DLGAP2: variants seen among roughly 807,000 people sequenced by gnomAD.
DLGAP2 encodes the protein DLG associated protein 2.
A neutral mutation model predicts 100.3 loss-of-function variants in DLGAP2; 26 were observed. The ratio of observed to expected loss-of-function variants is 0.26; its 90% CI spans 0.19 to 0.36. The LOEUF (loss-of-function observed/expected upper bound fraction) is 0.36, where lower values mean the gene tolerates loss of function less well. DLGAP2 is among the 10% of genes least tolerant of loss of function. The probability of loss-of-function intolerance (pLI) is 1.00; values close to 1 mark genes in which losing one functional copy is unlikely to be tolerated. For missense variants in DLGAP2, 1,858 were observed against 1,453.2 expected (o/e 1.28, Z -4.53); for synonymous variants, 886 against 630.1 (o/e 1.41, Z -6.08).
intron 3 of DLGAP2, chr8:1,296,247 C>G (rs1453659559): frequency 6.6e-6 from 1 of 152,098 alleles, no homozygotes. Flanking sequence ...AAATTCAGCA[C>G]TCTTGTTGAA....
intron 3 of DLGAP2, among the ~76,000 whole-genome samples, chr8:1,365,125 G>C (rs1428987890): frequency 6.6e-6 from 1 of 152,214 alleles, no homozygotes; most frequent in Non-Finnish European, 1.5e-5. Context: ...CGGGAGGTCA[G>C]GGGCCTGCAG....
At chr8:1,599,506 A>G (rs1017610170) in intron 6 of DLGAP2, among the ~76,000 whole-genome samples, 7 of 152,122 alleles carry the variant, frequency 4.6e-5, no homozygotes, top group African/African-American at 1.7e-4. Flanking sequence ...GTCTCTTTGT[A>G]GGTCTCTAAG....
intron 8 of DLGAP2, among the ~76,000 whole-genome samples, chr8:1,641,181 G>C (rs752502094): frequency 2.6e-5 from 4 of 152,208 alleles, no homozygotes; most frequent in Admixed American, 2.0e-4. Flanking sequence ...GTCTAGAACA[G>C]ACATGACAGA....
At chr8:1,617,660 G>T (rs1282497993) in intron 6 of DLGAP2, among the ~76,000 whole-genome samples, 1 of 152,050 alleles carries the variant, frequency 6.6e-6, no homozygotes, top group African/African-American at 2.4e-5. Flanking sequence ...CATTTTGTAC[G>T]TTTTCTGTTT....
chr8:1,292,906 C>A (rs1484354623), intron 3 of DLGAP2, among the ~76,000 whole-genome samples: 1 of 152,132 alleles, frequency 6.6e-6, no homozygotes, highest in Non-Finnish European at 1.5e-5. Flanking sequence ...GTCAGGGTCC[C>A]CTCTGAGTGC....
chr8:993,994 T>C lies in DLGAP2; in HGVS notation c.73+86028T>C, dbSNP rs558465576. ...TTAGTATAGAGAATGAAAGTGCTGT[T>C]TATTAGTATACTTTTGTATTTACAC... is the stretch of plus-strand genomic sequence containing the variant. On this transcript the variant is annotated intron_variant, in intron 2 of 14. Transcript: ENST00000637795. 2.0e-5 allele frequency among the ~76,000 whole-genome samples: 3 copies of C among 152,142 alleles called. No homozygotes were observed. In the South Asian group the frequency reaches 6.2e-4, roughly 32 times the overall value.
At chr8:1,234,597 T>G (rs140590583) in intron 2 of DLGAP2, among the ~76,000 whole-genome samples, 14 of 152,316 alleles carry the variant, frequency 9.2e-5, no homozygotes, top group Non-Finnish European at 1.6e-4. Flanking sequence ...ATTTGAATTT[T>G]GTGGAGGCAC....
intron 1 of DLGAP2, among the ~76,000 whole-genome samples, chr8:839,716 C>T (rs1002655773): frequency 2.0e-5 from 3 of 152,190 alleles, no homozygotes; most frequent in Admixed American, 1.3e-4. Context: ...CTAAGTGCCC[C>T]TGTCCTGATG....
intron 3 of DLGAP2, among the ~76,000 whole-genome samples, chr8:1,370,555 A>G (rs1802213259): frequency 6.6e-6 from 1 of 152,250 alleles, no homozygotes; most frequent in Non-Finnish European, 1.5e-5. Context: ...TTAAAATAAA[A>G]TGCTGAAAAG....
chr8:1,050,034 A>G (rs1438137856), intron 2 of DLGAP2, among the ~76,000 whole-genome samples: 1 of 152,224 alleles, frequency 6.6e-6, no homozygotes, highest in Non-Finnish European at 1.5e-5. Flanking sequence ...GGATATGTGT[A>G]CACACATGCT....
At chr8:882,841 C>G (rs1043881348) in intron 1 of DLGAP2, among the ~76,000 whole-genome samples, 2 of 152,262 alleles carry the variant, frequency 1.3e-5, no homozygotes, top group Non-Finnish European at 2.9e-5. Flanking sequence ...CCTCTCCGTT[C>G]CCCTCCGCCC....
chr8:856,790 T>C (rs1563066095), intron 1 of DLGAP2, among the ~76,000 whole-genome samples: 2 of 152,202 alleles, frequency 1.3e-5, no homozygotes, highest in South Asian at 2.1e-4. Context: ...TGTTGAGATA[T>C]CCATTTTTCT....
rs559862422 is a variant in DLGAP2, at chr8:862,857, G to T, written c.19-45055G>T. On this transcript the variant is annotated intron_variant, in intron 1 of 14. Coordinates refer to ENST00000637795, the MANE Select transcript of DLGAP2 (RefSeq NM_001346810.2). Reference sequence around the variant, plus strand: ...GGGACTGTGGGAGGTCTCTGATCATGATGTTGTTTTATATTTTACTTATTA... The same window carrying T: ...GGGACTGTGGGAGGTCTCTGATCATTATGTTGTTTTATATTTTACTTATTA... 9.9e-5 allele frequency among the ~76,000 whole-genome samples: 15 copies of T among 152,272 alleles called. No homozygotes were observed. The South Asian group carries it at 3.1e-3, about 32-fold the overall frequency.
intron 5 of DLGAP2, among the ~76,000 whole-genome samples, chr8:1,556,396 G>A (rs1051439187): frequency 6.6e-6 from 1 of 152,154 alleles, no homozygotes; most frequent in Non-Finnish European, 1.5e-5. Context: ...ACGGGGTTTG[G>A]CTCTGACCTC....
chr8:1,052,169 C>T (rs1374516942), intron 2 of DLGAP2, among the ~76,000 whole-genome samples: 2 of 152,180 alleles, frequency 1.3e-5, no homozygotes, highest in Non-Finnish European at 2.9e-5. Flanking sequence ...GGGCCTGGGC[C>T]CGGCCGCCCT....
chr8:844,192 A>C (rs909684034), intron 1 of DLGAP2, among the ~76,000 whole-genome samples: 1 of 152,230 alleles, frequency 6.6e-6, no homozygotes, highest in African/African-American at 2.4e-5. Flanking sequence ...AGAGTGAGGA[A>C]TTAGTAATTT....
At chr8:1,272,182 A>G (rs1799597462) in intron 3 of DLGAP2, among the ~76,000 whole-genome samples, 1 of 152,240 alleles carries the variant, frequency 6.6e-6, no homozygotes, top group Non-Finnish European at 1.5e-5. Context: ...ATCACATTTT[A>G]AAAGCAATTA....
chr8:1,437,306 C>T (rs537106031), intron 3 of DLGAP2, among the ~76,000 whole-genome samples: 4 of 152,258 alleles, frequency 2.6e-5, no homozygotes, highest in Admixed American at 1.3e-4. Context: ...CGAAGCCATG[C>T]GGGTTTGTAT....
intron 1 of DLGAP2, among the ~76,000 whole-genome samples, chr8:861,012 G>A (rs1396242540): frequency 2.6e-5 from 4 of 152,120 alleles, no homozygotes; most frequent in Admixed American, 2.6e-4. Flanking sequence ...ACGTGCAAAG[G>A]CCCTGAGGTT....
Sources: gnomAD v4.1 joint callset for allele counts (sites outside exome capture counted in the v4.1 genomes callset) on GRCh38, gnomAD v4.1.1 for gene constraint, MANE v1.5 for transcripts, NCBI Gene and HGNC (gene_info 2026-07-23, HGNC 2026-07-21) for gene names.